STS: variants seen among roughly 807,000 people sequenced by gnomAD.
The protein encoded by STS is steryl-sulfatase.
Under a neutral mutation model 26.8 loss-of-function variants are expected in STS, and 7 were observed. That is an observed-to-expected ratio of 0.26 (90% CI 0.15 to 0.49). The LOEUF (loss-of-function observed/expected upper bound fraction) is 0.49, where lower values mean the gene tolerates loss of function less well. Ranked by LOEUF, STS falls within the 20% of genes least tolerant of loss-of-function variation. The pLI, the probability that STS is intolerant of heterozygous loss-of-function variation, is 0.98. For missense variants in STS, 434 were observed against 465.6 expected, an observed-to-expected ratio of 0.93 and a Z score of 0.63; for synonymous variants, 199 against 189.4, an observed-to-expected ratio of 1.05 and a Z score of -0.42.
intron 1 of STS, among the ~76,000 whole-genome samples, chrX:7,154,406 TAA>T (rs1181899017): frequency 1.7e-4 from 19 of 112,594 alleles, no homozygotes; most frequent in African/African-American, 4.8e-4. Context: ...CGTTTATGGT[TAA>T]AGTTGGCTCA....
At chrX:7,297,104 C>T (rs1459758218) in intron 7 of STS, among the ~76,000 whole-genome samples, 2 of 111,995 alleles carry the variant, frequency 1.8e-5, no homozygotes, top group African/African-American at 6.5e-5. Flanking sequence ...TTGTCTGAAA[C>T]TAGCCAAGTC....
chrX:7,149,508 C>T (rs193225531), intron 1 of STS, among the ~76,000 whole-genome samples: 212 of 111,967 alleles, frequency 1.9e-3, no homozygotes, highest in Non-Finnish European at 2.6e-3. Flanking sequence ...TTAATGCAAT[C>T]GTGATTTCCC....
chrX:7,234,155 A>T (rs1265463304), intron 2 of STS, among the ~76,000 whole-genome samples: 1 of 112,418 alleles, frequency 8.9e-6, no homozygotes, highest in Non-Finnish European at 1.9e-5. Flanking sequence ...TAAGATGGGA[A>T]TGCTCTATGG....
At chrX:7,174,255 A>G (rs962190255) in intron 1 of STS, among the ~76,000 whole-genome samples, 1 of 111,571 alleles carries the variant, frequency 9.0e-6, no homozygotes, top group Non-Finnish European at 1.9e-5. Flanking sequence ...TTACTTTTCT[A>G]TATATAATGT....
At chrX:7,326,278 T>C (rs373336360) in intron 9 of STS, among the ~76,000 whole-genome samples, 4 of 111,819 alleles carry the variant, frequency 3.6e-5, no homozygotes, top group South Asian at 7.5e-4. Flanking sequence ...TCTGCCAATC[T>C]CTTTATCCAG....
At chrX:7,323,386 C>T (rs1487197361) in intron 8 of STS, among the ~76,000 whole-genome samples, 2 of 110,630 alleles carry the variant, frequency 1.8e-5, no homozygotes, top group East Asian at 5.7e-4. Flanking sequence ...CCTCTTTCCC[C>T]CCTAGTAGTT....
chrX:7,169,420 T>G (rs1933418158), intron 1 of STS, among the ~76,000 whole-genome samples: 1 of 112,648 alleles, frequency 8.9e-6, no homozygotes, highest in Non-Finnish European at 1.9e-5. Flanking sequence ...AATATTCTAT[T>G]GTGTGGATAT....
intron 7 of STS, among the ~76,000 whole-genome samples, chrX:7,284,338 C>T (rs1207646769): frequency 1.8e-5 from 2 of 111,722 alleles, no homozygotes; most frequent in African/African-American, 6.5e-5. Context: ...TGGCTTCCCT[C>T]TGTCCAGCAC....
chrX:7,338,033 A>G (rs1457571328), intron 10 of STS, among the ~76,000 whole-genome samples: 2 of 112,231 alleles, frequency 1.8e-5, no homozygotes, highest in Non-Finnish European at 3.8e-5. Context: ...ATTGAATGAC[A>G]TAATTTAATT....
chrX:7,322,732 CA>C (rs1244731418), intron 8 of STS, among the ~76,000 whole-genome samples: 1 of 111,759 alleles, frequency 8.9e-6, no homozygotes, highest in Non-Finnish European at 1.9e-5. Context: ...ACCTCCTCTA[CA>C]AAAGACAGTT....
chrX:7,204,028 T>G (rs2147029522), intron 2 of STS, among the ~76,000 whole-genome samples: 2 of 111,802 alleles, frequency 1.8e-5, no homozygotes, highest in South Asian at 7.5e-4. Context: ...CAAGTGATCC[T>G]CCCACACTTG....
intron 2 of STS, among the ~76,000 whole-genome samples, chrX:7,225,629 A>G (rs1327620401): frequency 9.0e-6 from 1 of 111,273 alleles, no homozygotes; most frequent in Non-Finnish European, 1.9e-5. Flanking sequence ...GACAGGAAGC[A>G]GGTGTTCAGC....
intron 6 of STS, among the ~76,000 whole-genome samples, chrX:7,264,387 G>A (rs1420145544): frequency 8.0e-5 from 9 of 112,581 alleles, no homozygotes; most frequent in African/African-American, 2.9e-4. Flanking sequence ...GTTAGTGCCC[G>A]TGGTCAGCCC....
intron 6 of STS, among the ~76,000 whole-genome samples, chrX:7,272,262 G>A (rs1291992843): frequency 7.7e-5 from 8 of 103,521 alleles, no homozygotes; most frequent in Non-Finnish European, 5.9e-5. Context: ...TTACTGGCTG[G>A]TAAAGATGTG....
At chrX:7,212,091 T>C (rs1352137567) in intron 2 of STS, among the ~76,000 whole-genome samples, 1 of 111,807 alleles carries the variant, frequency 8.9e-6, no homozygotes, top group East Asian at 2.8e-4. Context: ...TAATATGCGC[T>C]GATATCCAGG....
At chrX:7,225,836 T>G (rs1921778470) in intron 2 of STS, among the ~76,000 whole-genome samples, 1 of 111,859 alleles carries the variant, frequency 8.9e-6, no homozygotes, top group Non-Finnish European at 1.9e-5. Flanking sequence ...GTGTTTTATA[T>G]TTATTATCTT....
At chrX:7,220,443 C>G (rs1353592163) in intron 2 of STS, among the ~76,000 whole-genome samples, 1 of 109,968 alleles carries the variant, frequency 9.1e-6, no homozygotes, top group African/African-American at 3.3e-5. Flanking sequence ...TCCTTTCTCT[C>G]TTTTACAGAC....
At chrX:7,258,204 T>C (rs1221296301) in intron 5 of STS, among the ~76,000 whole-genome samples, 4 of 105,630 alleles carry the variant, frequency 3.8e-5, no homozygotes. Context: ...GGGACAAAGA[T>C]GAGATAGATG....
Position 7,351,995 on chromosome X carries a change from G to A in STS, c.*1734G>A, listed in dbSNP as rs1007711219. The A allele has an allele frequency of 9.2e-6, 1 of 108,989 alleles. No individual in the cohort carries two copies. Among genetic ancestry groups the A allele is most frequent in the African/African-American group, 3.3e-5 (1 of 29,944 alleles). 9.0% of individuals were successfully genotyped at this position (108,989 alleles called of 1,213,427 possible). On this transcript the variant is annotated 3_prime_UTR_variant, in exon 11 of 11. Coordinates refer to ENST00000674429, the MANE Select transcript of STS (RefSeq NM_001320752.2). ...GTGATTCCTACCCCCTACCTCCAGA[G>A]TTGTTGAAAGCTGAAAAGCATACAA...
Sources: gnomAD v4.1 joint callset for allele counts (sites outside exome capture counted in the v4.1 genomes callset) on GRCh38, gnomAD v4.1.1 for gene constraint, MANE v1.5 for transcripts, NCBI Gene and HGNC (gene_info 2026-07-23, HGNC 2026-07-21) for gene names.